Variants in HS3ST3A1 observed in about 807,000 individuals in gnomAD.
The protein encoded by HS3ST3A1 is heparan sulfate glucosamine 3-O-sulfotransferase 3A1.
In HS3ST3A1, 19 loss-of-function variants were observed where a neutral mutation model predicts 25.7. That is an observed-to-expected ratio of 0.74 (90% CI 0.52 to 1.08). The LOEUF (loss-of-function observed/expected upper bound fraction) is 1.08, where lower values mean the gene tolerates loss of function less well. Among genes scored for constraint, HS3ST3A1 ranks in the 50% least tolerant of loss-of-function variants. The pLI is 0.00. For synonymous variants in HS3ST3A1, 226 were observed against 278.6 expected (o/e 0.81, Z 1.88); for missense variants, 459 against 594.3 (o/e 0.77, Z 2.37).
intron 1 of HS3ST3A1, among the ~76,000 whole-genome samples, chr17:13,586,802 A>C (rs983344166): frequency 1.4e-5 from 2 of 138,094 alleles, no homozygotes; most frequent in African/African-American, 2.8e-5. Flanking sequence ...CCCAGGAGGC[A>C]GAGCTTGCAG....
At chr17:13,506,041 A>AG (rs1905660732) in intron 1 of HS3ST3A1, among the ~76,000 whole-genome samples, 1 of 150,652 alleles carries the variant, frequency 6.6e-6, no homozygotes, top group African/African-American at 2.5e-5. Flanking sequence ...AAAAAAAAAA[A>AG]AAAAATTGGA....
intron 1 of HS3ST3A1, among the ~76,000 whole-genome samples, chr17:13,561,815 G>A (rs987709571): frequency 1.2e-4 from 19 of 152,086 alleles, no homozygotes; most frequent in African/African-American, 4.3e-4. Context: ...TCACACAAGC[G>A]CAAAATGACA....
At chr17:13,507,807 A>G (rs1459159413) in intron 1 of HS3ST3A1, among the ~76,000 whole-genome samples, 1 of 152,156 alleles carries the variant, frequency 6.6e-6, no homozygotes, top group Middle Eastern at 3.2e-3. Flanking sequence ...TGCTCTTTTC[A>G]TGGCCATGGC....
chr17:13,599,228 GTTGT>G lies in HS3ST3A1; in HGVS notation c.599+1299_599+1302del, dbSNP rs1908656176. On this transcript the variant is annotated intron_variant, in intron 1 of 1. Coordinates refer to ENST00000284110, the MANE Select transcript of HS3ST3A1 (RefSeq NM_006042.3). ...GATATATCATCTATATTAAGGGAAGGTTGTTTGTTTTTTCTTTCCAACAAATGGA... is the reference window on the plus strand; with the variant it reads ...GATATATCATCTATATTAAGGGAAGGTTGTTTTTTCTTTCCAACAAATGGA... Among the ~76,000 whole-genome samples the G allele has an allele frequency of 2.6e-5, 4 of 152,128 alleles. No homozygotes were observed. The South Asian group carries it at 6.2e-4, about 24-fold the overall frequency.
At chr17:13,501,511 G>T (rs1430335636) in intron 1 of HS3ST3A1, among the ~76,000 whole-genome samples, 1 of 152,098 alleles carries the variant, frequency 6.6e-6, no homozygotes, top group African/African-American at 2.4e-5. Context: ...CTCTGGTTTT[G>T]CTAAAAGGGA....
chr17:13,574,690 C>T (rs1343124551), intron 1 of HS3ST3A1, among the ~76,000 whole-genome samples: 2 of 151,724 alleles, frequency 1.3e-5, no homozygotes, highest in African/African-American at 4.8e-5. Flanking sequence ...TGCACTGCAG[C>T]CTAGGCAAGA....
intron 1 of HS3ST3A1, among the ~76,000 whole-genome samples, chr17:13,600,021 C>T (rs1460760635): frequency 6.6e-6 from 1 of 152,190 alleles, no homozygotes; most frequent in African/African-American, 2.4e-5. Context: ...TGGTTCTTGA[C>T]ACTTTTACTA....
At chr17:13,510,380 C>A (rs190214251) in intron 1 of HS3ST3A1, among the ~76,000 whole-genome samples, 1 of 152,236 alleles carries the variant, frequency 6.6e-6, no homozygotes, top group East Asian at 1.9e-4. Flanking sequence ...GCTTGCAAAT[C>A]AACAATCTAA....
rs762765643 is a variant in HS3ST3A1, at chr17:13,600,633, C to A, written c.497G>T (p.Arg166Leu). The A allele has an allele frequency of 1.3e-6, 2 of 1,595,616 alleles. No individual in the cohort carries two copies. The highest frequency in any genetic ancestry group is 2.2e-5 in the South Asian group (2 of 89,610). Residue 166 changes from arginine to leucine, a missense_variant, in exon 1 of 2, where the codon CGG becomes CTG. Physicochemically the swap from Arg to Leu is moderately radical, Grantham distance 102 (BLOSUM62 -2). Around this residue, in one of 3 missense-constraint regions of HS3ST3A1, gnomAD observed 346 missense variants for 303.9 expected, o/e 1.14. Transcript: ENST00000284110. ...CACGCGCAGGAACTCCAGCAGCGCC[C>A]GCGTGCCGCCCTTCTTCACTCCGAT... is the stretch of plus-strand genomic sequence containing the variant. ...IIIGVKKGGT[R>L]ALLEFLRVHP...
At chr17:13,582,381 G>T (rs370533940) in intron 1 of HS3ST3A1, among the ~76,000 whole-genome samples, 1 of 152,254 alleles carries the variant, frequency 6.6e-6, no homozygotes, top group African/African-American at 2.4e-5. Context: ...TTATTATTTG[G>T]TTTTTAAGAA....
intron 1 of HS3ST3A1, among the ~76,000 whole-genome samples, chr17:13,594,870 A>G (rs1328503087): frequency 6.6e-6 from 1 of 152,136 alleles, no homozygotes; most frequent in Non-Finnish European, 1.5e-5. Context: ...TCTTTTTTAA[A>G]TTGAGACTGC....
intron 1 of HS3ST3A1, among the ~76,000 whole-genome samples, chr17:13,528,767 T>C (rs1005115702): frequency 6.6e-6 from 1 of 152,070 alleles, no homozygotes; most frequent in Admixed American, 6.6e-5. Context: ...TGAAGGAAAC[T>C]GCATTTGAGT....
chr17:13,529,670 C>G (rs1906541399), intron 1 of HS3ST3A1, among the ~76,000 whole-genome samples: 1 of 152,144 alleles, frequency 6.6e-6, no homozygotes, highest in Admixed American at 6.5e-5. Flanking sequence ...CATATTTGAT[C>G]ACAAAATCCT....
chr17:13,546,481 T>C (rs1286459348), intron 1 of HS3ST3A1, among the ~76,000 whole-genome samples: 2 of 152,152 alleles, frequency 1.3e-5, no homozygotes, highest in Admixed American at 6.5e-5. Flanking sequence ...TTGGCCAAGA[T>C]GGTCTTGATC....
rs186334023 is a variant in HS3ST3A1, at chr17:13,574,491, G to A, written c.599+26040C>T. Reference sequence around the variant, plus strand: ...CCCAGCACTTTGGGAGGCTGAGACAGGCGGATCACGAGGTCAGGAGATCGA... The same window carrying A: ...CCCAGCACTTTGGGAGGCTGAGACAAGCGGATCACGAGGTCAGGAGATCGA... On this transcript the variant is annotated intron_variant, in intron 1 of 1. Coordinates refer to ENST00000284110, the MANE Select transcript of HS3ST3A1 (RefSeq NM_006042.3). Among the ~76,000 whole-genome samples the A allele has an allele frequency of 8.0e-4, 121 of 151,642 alleles. 1 individual carries two copies. The East Asian group carries it at 0.021, about 26-fold the overall frequency.
intron 1 of HS3ST3A1, among the ~76,000 whole-genome samples, chr17:13,588,773 T>C (rs1908345076): frequency 6.6e-6 from 1 of 151,794 alleles, no homozygotes; most frequent in African/African-American, 2.4e-5. Flanking sequence ...AAGCTCTGCC[T>C]CCCGGGTTCA....
intron 1 of HS3ST3A1, among the ~76,000 whole-genome samples, chr17:13,534,714 G>GT (rs1172515975): frequency 6.6e-6 from 1 of 151,972 alleles, no homozygotes; most frequent in Non-Finnish European, 1.5e-5. Context: ...GGGCAACAGA[G>GT]TGACACCCTG....
In HS3ST3A1 at chr17:13,502,015, G is replaced by A. The variant is rs1344452702; in HGVS notation, c.600-5197C>T. ...GGGATTTCATTTCCTTCCATGGCAT[G>A]GGTGCAGTTGTGCCAGGAAGGAAAC... is the stretch of plus-strand genomic sequence containing the variant. On this transcript the variant is annotated intron_variant, in intron 1 of 1. Coordinates refer to ENST00000284110, the MANE Select transcript of HS3ST3A1 (RefSeq NM_006042.3). 2.0e-5 allele frequency among the ~76,000 whole-genome samples: 3 copies of A among 152,146 alleles called. No individual in the cohort carries two copies. The South Asian group carries it at 6.2e-4, about 31-fold the overall frequency.
At chr17:13,506,026 C>CA (rs35525593) in intron 1 of HS3ST3A1, among the ~76,000 whole-genome samples, 20,858 of 66,306 alleles carry the variant, frequency 0.31, 2,473 homozygotes, top group East Asian at 0.41. Flanking sequence ...GACTTCATCT[C>CA]AAAAAAAAAA....
Sources: allele counts gnomAD v4.1 joint callset (sites outside exome capture counted in the v4.1 genomes callset), GRCh38; gene constraint gnomAD v4.1.1; regional missense constraint gnomAD v4.1.1; transcripts MANE v1.5; gene names NCBI Gene and HGNC (gene_info 2026-07-23, HGNC 2026-07-21).